CDH13: variants seen among roughly 807,000 people sequenced by gnomAD.
CDH13 encodes the protein cadherin-13.
In CDH13, 24 loss-of-function variants were observed where a neutral mutation model predicts 63.8. That is an observed-to-expected ratio of 0.38 (90% CI 0.27 to 0.53). CDH13 has a LOEUF of 0.53. Ranked by LOEUF, CDH13 falls within the 20% of genes least tolerant of loss-of-function variation. CDH13 has a pLI of 0.85. For missense variants in CDH13, 1,049 were observed against 903.1 expected, an observed-to-expected ratio of 1.16 and a Z score of -2.07; for synonymous variants, 503 against 355.3, an observed-to-expected ratio of 1.42 and a Z score of -4.67.
At chr16:83,535,275 G>T (rs146905197) in intron 7 of CDH13, among the ~76,000 whole-genome samples, 98 of 152,350 alleles carry the variant, frequency 6.4e-4, no homozygotes, top group African/African-American at 2.3e-3. Context: ...GCTTTTATTG[G>T]CCAAATTAAG....
chr16:83,453,642 T>A (rs1035791934), intron 6 of CDH13, among the ~76,000 whole-genome samples: 1 of 152,112 alleles, frequency 6.6e-6, no homozygotes, highest in Non-Finnish European at 1.5e-5. Flanking sequence ...TGTTTAATGG[T>A]GGGGTTCTCA....
intron 1 of CDH13, among the ~76,000 whole-genome samples, chr16:82,771,762 T>C (rs1415750373): frequency 6.6e-6 from 1 of 152,122 alleles, no homozygotes; most frequent in Non-Finnish European, 1.5e-5. Flanking sequence ...AGGAAAAACG[T>C]ATAGGGAAGT....
At chr16:83,401,626 G>T (rs2091969234) in intron 6 of CDH13, among the ~76,000 whole-genome samples, 1 of 151,996 alleles carries the variant, frequency 6.6e-6, no homozygotes, top group Non-Finnish European at 1.5e-5. Context: ...ACCTCATGAA[G>T]TGTATATACC....
intron 2 of CDH13, among the ~76,000 whole-genome samples, chr16:82,928,327 G>T (rs1432363442): frequency 6.6e-6 from 1 of 152,126 alleles, no homozygotes; most frequent in Non-Finnish European, 1.5e-5. Flanking sequence ...TATAAGCATT[G>T]CATAAATGAT....
chr16:83,476,550 G>A (rs2073609898), intron 6 of CDH13, among the ~76,000 whole-genome samples: 8 of 152,198 alleles, frequency 5.3e-5, no homozygotes, highest in Admixed American at 5.2e-4. Context: ...GCGCATGCCT[G>A]CAATCCAAGC....
intron 3 of CDH13, among the ~76,000 whole-genome samples, chr16:83,093,624 A>G (rs2034041938): frequency 6.6e-6 from 1 of 152,056 alleles, no homozygotes; most frequent in East Asian, 1.9e-4. Flanking sequence ...CCAGCCCACC[A>G]TAAGTACTTT....
intron 5 of CDH13, among the ~76,000 whole-genome samples, chr16:83,243,206 C>G (rs1188265104): frequency 6.6e-6 from 1 of 152,086 alleles, no homozygotes; most frequent in Non-Finnish European, 1.5e-5. Flanking sequence ...TATGGCTGTA[C>G]TAGTCTGTTT....
At chr16:82,797,706 C>G (rs921494181) in intron 1 of CDH13, among the ~76,000 whole-genome samples, 2 of 151,598 alleles carry the variant, frequency 1.3e-5, no homozygotes, top group African/African-American at 2.4e-5. Flanking sequence ...TAAGGTATGT[C>G]TGTTATTTGG....
intron 1 of CDH13, among the ~76,000 whole-genome samples, chr16:82,651,256 G>C (rs1910689762): frequency 6.6e-6 from 1 of 152,194 alleles, no homozygotes; most frequent in Non-Finnish European, 1.5e-5. Context: ...ACCCAGCTAA[G>C]TACTTTCACA....
In CDH13 at chr16:83,664,460, A is replaced by T. The variant is rs75415423; in HGVS notation, c.1102-6330A>T. 3.3e-3 allele frequency among the ~76,000 whole-genome samples: 505 copies of T among 151,538 alleles called. 7 individuals carry two copies. The highest frequency in any genetic ancestry group is 0.012 in the African/African-American group (486 of 41,450). ...AGCTTTATGTAGAACTCTGTACTGT[A>T]TACTGTTTAAAATTTTTATGTAAAT... On this transcript the variant is annotated intron_variant, in intron 8 of 13. Transcript: ENST00000567109.
At chr16:83,579,615 C>A (rs1379603869) in intron 7 of CDH13, among the ~76,000 whole-genome samples, 1 of 152,058 alleles carries the variant, frequency 6.6e-6, no homozygotes, top group Non-Finnish European at 1.5e-5. Flanking sequence ...TTGGGGATTA[C>A]AATTCAGCAT....
chr16:83,032,360 T>A lies in CDH13; in HGVS notation c.366+142T>A, dbSNP rs2228685. On this transcript the variant is annotated intron_variant, in intron 3 of 13. Coordinates refer to ENST00000567109, the MANE Select transcript of CDH13 (RefSeq NM_001257.5). ...GTTGCAAATGACAGAAATCCAACTC[T>A]AAAAATGTAGATGAGGGGCAGCGGG... The A allele has an allele frequency of 0.54, 351,072 of 650,656 alleles. 96,200 individuals carry two copies. The highest frequency in any genetic ancestry group is 0.58 in the South Asian group (27,945 of 48,324). 40.3% of individuals were successfully genotyped at this position (650,656 alleles called of 1,614,324 possible).
intron 2 of CDH13, chr16:82,953,553 T>G (rs1391329099): frequency 2.0e-5 from 3 of 152,256 alleles, no homozygotes; most frequent in Non-Finnish European, 4.4e-5. Flanking sequence ...CATGGTGAAC[T>G]TAGTAATTTA....
intron 1 of CDH13, among the ~76,000 whole-genome samples, chr16:82,749,698 G>A (rs1008957887): frequency 1.6e-4 from 24 of 152,178 alleles, no homozygotes; most frequent in African/African-American, 4.1e-4. Context: ...TAAACTTAAC[G>A]TATTATAAAT....
At chr16:83,241,573 T>C (rs779201582) in intron 5 of CDH13, among the ~76,000 whole-genome samples, 1 of 152,234 alleles carries the variant, frequency 6.6e-6, no homozygotes, top group Admixed American at 6.5e-5. Context: ...TGCATTTCTT[T>C]TAGGATTAGT....
chr16:83,447,420 A>G (rs2072740176), intron 6 of CDH13, among the ~76,000 whole-genome samples: 1 of 152,072 alleles, frequency 6.6e-6, no homozygotes, highest in South Asian at 2.1e-4. Flanking sequence ...CATCCCAAAA[A>G]AACAAAGAAA....
At chr16:82,807,056 C>T (rs1033794942) in intron 1 of CDH13, among the ~76,000 whole-genome samples, 1 of 148,910 alleles carries the variant, frequency 6.7e-6, no homozygotes, top group African/African-American at 2.5e-5. Flanking sequence ...CTTCTAGTTT[C>T]TAAGTATAAG....
intron 1 of CDH13, among the ~76,000 whole-genome samples, chr16:82,798,091 A>G (rs2036676807): frequency 1.3e-5 from 2 of 152,214 alleles, no homozygotes; most frequent in African/African-American, 2.4e-5. Context: ...GGTAAAATCA[A>G]TTGCAGATGC....
Position 82,878,820 on chromosome 16 carries a change from G to A in CDH13, c.157+20347G>A, listed in dbSNP as rs148348401. 7.1e-3 allele frequency among the ~76,000 whole-genome samples: 1,075 copies of A among 152,120 alleles called. 10 individuals are homozygous for A. The highest frequency in any genetic ancestry group is 0.012 in the Non-Finnish European group (827 of 68,002). ...CATCAGCAATTGTGCCTTTCTAGGTGTCACCTGAATATCTAACATTGAGGC... is the reference window on the plus strand; with the variant it reads ...CATCAGCAATTGTGCCTTTCTAGGTATCACCTGAATATCTAACATTGAGGC... On this transcript the variant is annotated intron_variant, in intron 2 of 13. Coordinates refer to ENST00000567109, the MANE Select transcript of CDH13 (RefSeq NM_001257.5).
Sources: gnomAD v4.1 joint callset for allele counts (sites outside exome capture counted in the v4.1 genomes callset) on GRCh38, gnomAD v4.1.1 for gene constraint, MANE v1.5 for transcripts, NCBI Gene and HGNC (gene_info 2026-07-23, HGNC 2026-07-21) for gene names.